Variants in RUNDC3B observed in about 807,000 individuals in gnomAD.
RUNDC3B encodes the protein RUN domain containing 3B.
Under a neutral mutation model 58.4 loss-of-function variants are expected in RUNDC3B, and 33 were observed. That is an observed-to-expected ratio of 0.56 (90% CI 0.43 to 0.75). The LOEUF (loss-of-function observed/expected upper bound fraction) is 0.75. RUNDC3B is among the 30% of genes least tolerant of loss of function. RUNDC3B has a pLI of 0.00. For synonymous variants in RUNDC3B, 193 were observed against 195.2 expected, an observed-to-expected ratio of 0.99 and a Z score of 0.10; for missense variants, 501 against 535.7, an observed-to-expected ratio of 0.94 and a Z score of 0.64.
chr7:87,678,432 A>G (rs917010629), intron 2 of RUNDC3B, among the ~76,000 whole-genome samples: 5 of 152,214 alleles, frequency 3.3e-5, no homozygotes, highest in African/African-American at 1.2e-4. Context: ...TAGGTGTTCT[A>G]TTTCATAAAG....
intron 1 of RUNDC3B, among the ~76,000 whole-genome samples, chr7:87,634,910 A>G (rs1821611537): frequency 6.6e-6 from 1 of 152,328 alleles, no homozygotes; most frequent in Non-Finnish European, 1.5e-5. Flanking sequence ...CAATGGAGGT[A>G]GGATGATCCT....
At chr7:87,720,356 A>T (rs1037977568) in intron 4 of RUNDC3B, among the ~76,000 whole-genome samples, 3 of 152,086 alleles carry the variant, frequency 2.0e-5, no homozygotes, top group African/African-American at 7.2e-5. Context: ...GAGGAGTTAC[A>T]GCACTCTTTG....
chr7:87,716,091 A>T (rs28572147), intron 4 of RUNDC3B, among the ~76,000 whole-genome samples: 7,337 of 152,192 alleles, frequency 0.048, 265 homozygotes, highest in East Asian at 0.092. Context: ...ATTAATTTTT[A>T]AAAAAATAAA....
chr7:87,739,940 T>G (rs1206366161), intron 5 of RUNDC3B, 60 bp downstream of exon 5: 11 of 783,282 alleles, frequency 1.4e-5, no homozygotes, highest in Middle Eastern at 3.6e-4. Context: ...TTTCTACTTA[T>G]GATTTTTTTC....
intron 4 of RUNDC3B, among the ~76,000 whole-genome samples, chr7:87,715,851 G>C (rs1830525355): frequency 6.6e-6 from 1 of 152,120 alleles, no homozygotes. Flanking sequence ...GGAGGGAATG[G>C]AGAATGGAAA....
chr7:87,765,981 G>A (rs1487209740), intron 6 of RUNDC3B, among the ~76,000 whole-genome samples: 1 of 151,900 alleles, frequency 6.6e-6, no homozygotes, highest in Admixed American at 6.6e-5. Context: ...CTCCAGTGTT[G>A]GATGCATATA....
rs1820836674 is a variant in RUNDC3B at position 87,628,571 on chromosome 7, TGGTG to T, written c.-252_-249del. The T allele has an allele frequency of 3.2e-6, 1 of 315,706 alleles. No individual in the cohort carries two copies. The highest frequency in any genetic ancestry group is 4.7e-5 in the East Asian group (1 of 21,426). 19.6% of individuals were successfully genotyped at this position (315,706 alleles called of 1,614,324 possible). A position where few individuals can be genotyped will look rare whatever the true frequency, so the allele number is the denominator to read the frequency against. On this transcript the variant is annotated 5_prime_UTR_variant, in exon 1 of 11. Coordinates refer to ENST00000394654, the MANE Select transcript of RUNDC3B (RefSeq NM_001134405.2). Reference sequence around the variant, plus strand: ...GTCGGCGGCGCGCCGAGGGCGGAGGTGGTGCGTGCGTGCGTGTGTGTGTGTGTGT... The same window carrying T: ...GTCGGCGGCGCGCCGAGGGCGGAGGTCGTGCGTGCGTGTGTGTGTGTGTGT...
chr7:87,736,875 ATATATATATATATATTTTTTTTTT>A (rs1297107510), intron 4 of RUNDC3B, among the ~76,000 whole-genome samples: 3 of 36,388 alleles, frequency 8.2e-5, no homozygotes, highest in African/African-American at 4.0e-4. Flanking sequence ...ATATATATAT[ATATATATATATATATTTTTTTTTT>A]TTTTTTTTTT....
At chr7:87,664,042 C>G (rs1202606730) in intron 2 of RUNDC3B, among the ~76,000 whole-genome samples, 1 of 152,130 alleles carries the variant, frequency 6.6e-6, no homozygotes, top group African/African-American at 2.4e-5. Context: ...TGGAGGCATG[C>G]AATTCATTTC....
intron 4 of RUNDC3B, among the ~76,000 whole-genome samples, chr7:87,732,331 T>C (rs1177148365): frequency 2.6e-5 from 4 of 152,020 alleles, no homozygotes; most frequent in Admixed American, 6.5e-5. Flanking sequence ...TACTTAATGA[T>C]ATATCTTAAA....
intron 1 of RUNDC3B, among the ~76,000 whole-genome samples, chr7:87,643,522 T>TTGGG (rs1822660766): frequency 6.6e-6 from 1 of 152,088 alleles, no homozygotes; most frequent in African/African-American, 2.4e-5. Context: ...GAATTCTTTT[T>TTGGG]TGGGTGTGTG....
At chr7:87,776,772 A>C (rs116361685) in intron 7 of RUNDC3B, among the ~76,000 whole-genome samples, 1 of 152,084 alleles carries the variant, frequency 6.6e-6, no homozygotes, top group Non-Finnish European at 1.5e-5. Flanking sequence ...AGAAAAAAAT[A>C]TAAAAAATAA....
chr7:87,692,017 A>G (rs1346393551), intron 2 of RUNDC3B, among the ~76,000 whole-genome samples: 1 of 152,200 alleles, frequency 6.6e-6, no homozygotes, highest in Admixed American at 6.5e-5. Context: ...GAATGGTTTA[A>G]TCGTATTAAA....
At chr7:87,687,492 G>T (rs1434245654) in intron 2 of RUNDC3B, among the ~76,000 whole-genome samples, 1 of 152,034 alleles carries the variant, frequency 6.6e-6, no homozygotes, top group Non-Finnish European at 1.5e-5. Context: ...TACTTATTAT[G>T]ATTATTGTTT....
intron 1 of RUNDC3B, among the ~76,000 whole-genome samples, chr7:87,635,694 A>G (rs1233640529): frequency 6.6e-6 from 1 of 152,222 alleles, no homozygotes; most frequent in Non-Finnish European, 1.5e-5. Flanking sequence ...TTTTTGTGGT[A>G]GGGCACAATG....
chr7:87,678,575 A>G (rs1826610266), intron 2 of RUNDC3B, among the ~76,000 whole-genome samples: 1 of 152,194 alleles, frequency 6.6e-6, no homozygotes, highest in African/African-American at 2.4e-5. Flanking sequence ...AAACAATAAA[A>G]TGGTAGACCT....
At chr7:87,654,697 C>CA (rs1379168671) in intron 2 of RUNDC3B, among the ~76,000 whole-genome samples, 2 of 152,032 alleles carry the variant, frequency 1.3e-5, no homozygotes, top group African/African-American at 4.8e-5. Context: ...ACACCACAAG[C>CA]ACAGGCAACT....
chr7:87,742,664 A>G (rs746449655), intron 6 of RUNDC3B, among the ~76,000 whole-genome samples: 1 of 152,150 alleles, frequency 6.6e-6, no homozygotes, highest in Non-Finnish European at 1.5e-5. Flanking sequence ...TTATTTGTCT[A>G]TAATTTATCA....
chr7:87,797,420 A>G (rs1366535541), intron 8 of RUNDC3B, among the ~76,000 whole-genome samples: 2 of 152,138 alleles, frequency 1.3e-5, no homozygotes, highest in Non-Finnish European at 2.9e-5. Flanking sequence ...TGGACTTCAC[A>G]TTGTATCATA....
Sources: allele counts gnomAD v4.1 joint callset (sites outside exome capture counted in the v4.1 genomes callset), GRCh38; gene constraint gnomAD v4.1.1; transcripts MANE v1.5; gene names NCBI Gene and HGNC (gene_info 2026-07-23, HGNC 2026-07-21).